The following CIB1 variants were observed in gnomAD, a reference collection of about 807,000 sequenced individuals.
The protein encoded by CIB1 is calcium and integrin binding 1, also known as calcium and integrin-binding protein 1.
A neutral mutation model predicts 25.0 loss-of-function variants in CIB1; 19 were observed. The ratio of observed to expected loss-of-function variants is 0.76; its 90% CI spans 0.53 to 1.12. The LOEUF (loss-of-function observed/expected upper bound fraction) is 1.12. CIB1 is among the 50% of genes most tolerant of loss of function. CIB1 has a pLI of 0.00. For synonymous variants in CIB1, 104 were observed against 98.5 expected, an observed-to-expected ratio of 1.06 and a Z score of -0.33; for missense variants, 236 against 242.6, an observed-to-expected ratio of 0.97 and a Z score of 0.18.
the CIB1 span, chr15:90,262,973 C>T: frequency 7.8e-6 from 12 of 1,535,278 alleles, no homozygotes; most frequent in South Asian, 3.6e-5. Flanking sequence ...TAGCTGCTGC[C>T]GGGACAGCTG....
chr15:90,256,612 TCC>T, the CIB1 span, among the ~76,000 whole-genome samples: 3 of 66,160 alleles, frequency 4.5e-5, no homozygotes, highest in African/African-American at 3.2e-4. Flanking sequence ...TTTCTTTCCT[TCC>T]TTCCTTCCTT....
chr15:90,232,634 C>T (rs558392912), intron 2 of CIB1, among the ~76,000 whole-genome samples: 7 of 152,282 alleles, frequency 4.6e-5, no homozygotes, highest in African/African-American at 1.7e-4. Flanking sequence ...TGGCCAGGCA[C>T]GGTGGCTCAC....
At chr15:90,234,211 A>T, upstream of CIB1, 1 of 275,662 alleles carries the variant, frequency 3.6e-6, no homozygotes, top group Non-Finnish European at 6.8e-6. Context: ...CTGGCTGCGT[A>T]TGCGTCACGG....
chr15:90,248,222 TGAG>T, the CIB1 span, among the ~76,000 whole-genome samples: 1 of 152,134 alleles, frequency 6.6e-6, no homozygotes, highest in Non-Finnish European at 1.5e-5. Context: ...TGAAAGATTT[TGAG>T]GAGATGAGGA....
chr15:90,235,066 C>T (rs1444039981), upstream of CIB1, among the ~76,000 whole-genome samples: 3 of 152,172 alleles, frequency 2.0e-5, no homozygotes, highest in Non-Finnish European at 4.4e-5. Context: ...TCCTGGCCCT[C>T]TGTAACTGGA....
the CIB1 span, chr15:90,263,314 G>A: frequency 1.6e-6 from 1 of 607,886 alleles, no homozygotes; most frequent in African/African-American, 1.9e-5. Flanking sequence ...GATTCCTTTT[G>A]CGTCTGTTCC....
the CIB1 span, chr15:90,240,749 G>T: frequency 5.1e-6 from 3 of 591,016 alleles, no homozygotes; most frequent in South Asian, 6.7e-5. Flanking sequence ...GGAGGCGGAG[G>T]TTACAGTGAA....
the CIB1 span, chr15:90,258,481 C>A: frequency 1.6e-6 from 1 of 622,410 alleles, no homozygotes; most frequent in African/African-American, 1.8e-5. Flanking sequence ...CGTAGGAATG[C>A]AGGTTTGGGA....
chr15:90,252,849 A>G, the CIB1 span, among the ~76,000 whole-genome samples: 1 of 152,098 alleles, frequency 6.6e-6, no homozygotes, highest in African/African-American at 2.4e-5. Flanking sequence ...CTAAAAATAC[A>G]AAAATTACCC....
the CIB1 span, among the ~76,000 whole-genome samples, chr15:90,252,040 A>ATTGTTTTTTTTTT: frequency 9.8e-6 from 1 of 101,794 alleles, no homozygotes; most frequent in African/African-American, 3.4e-5. Context: ...TGCTCACCTA[A>ATTGTTTTTTTTTT]TTCTTTTTTT....
At chr15:90,243,001 CTCCCCGTTCTTGTTCA>C in the CIB1 span, 2 of 104,016 alleles carry the variant, frequency 1.9e-5, no homozygotes, top group African/African-American at 1.1e-4. Context: ...TCTGCTACCT[CTCCCCGTTCTTGTTCA>C]AGCCCCAGGG....
upstream of CIB1, among the ~76,000 whole-genome samples, chr15:90,236,415 C>T (rs892709008): frequency 6.6e-6 from 1 of 152,254 alleles, no homozygotes; most frequent in African/African-American, 2.4e-5. Context: ...CTCTCAGTCA[C>T]TTCACTTGGC....
the CIB1 span, chr15:90,257,517 G>A: frequency 9.5e-7 from 1 of 1,054,220 alleles, no homozygotes; most frequent in Non-Finnish European, 1.4e-6. Flanking sequence ...CAGTCCTCTG[G>A]TGGAGAGAGA....
the CIB1 span, among the ~76,000 whole-genome samples, chr15:90,260,370 G>A: frequency 3.1e-4 from 47 of 152,170 alleles, no homozygotes; most frequent in Admixed American, 2.0e-4. Flanking sequence ...AATGGTGCGC[G>A]CCTATGGTCC....
the CIB1 span, among the ~76,000 whole-genome samples, chr15:90,254,357 G>A: frequency 6.6e-6 from 1 of 151,382 alleles, no homozygotes; most frequent in African/African-American, 2.4e-5. Context: ...ACCAGGCATG[G>A]TGGCGCACAC....
the CIB1 span, chr15:90,259,014 T>C: frequency 3.1e-6 from 5 of 1,601,690 alleles, no homozygotes; most frequent in East Asian, 1.1e-4. Context: ...GGCCTGGGGC[T>C]GATTTGCTAT....
At chr15:90,235,397 CTCT>C (rs1476748268), upstream of CIB1, among the ~76,000 whole-genome samples, 8 of 152,156 alleles carry the variant, frequency 5.3e-5, no homozygotes, top group African/African-American at 1.9e-4. Context: ...AAAACCCCAT[CTCT>C]ACTAAAAATA....
the CIB1 span, chr15:90,265,667 C>G: frequency 6.2e-7 from 1 of 1,606,348 alleles, no homozygotes; most frequent in Non-Finnish European, 8.5e-7. Flanking sequence ...CCGGCTACTT[C>G]CGCTGCTGTT....
chr15:90,259,368 C>T, the CIB1 span, among the ~76,000 whole-genome samples: 1,399 of 150,524 alleles, frequency 9.3e-3, 27 homozygotes, highest in African/African-American at 0.033. Flanking sequence ...CCAGCCTGGG[C>T]AACAGAGTGA....
Sources: gnomAD v4.1 joint callset for allele counts (sites outside exome capture counted in the v4.1 genomes callset) on GRCh38, gnomAD v4.1.1 for gene constraint, MANE v1.5 for transcripts, NCBI Gene and HGNC (gene_info 2026-07-23, HGNC 2026-07-21) for gene names.